Variants in DLG2 observed in about 807,000 individuals in gnomAD.
The protein encoded by DLG2 is disks large homolog 2.
Under a neutral mutation model 132.5 loss-of-function variants are expected in DLG2, and 45 were observed. That is an observed-to-expected ratio of 0.34 (90% CI 0.27 to 0.44). The LOEUF (loss-of-function observed/expected upper bound fraction) is 0.44. Among genes scored for constraint, DLG2 ranks in the 20% least tolerant of loss-of-function variants. The probability of loss-of-function intolerance (pLI) is 1.00; values close to 1 mark genes in which losing one functional copy is unlikely to be tolerated. For synonymous variants in DLG2, 424 were observed against 419.6 expected (o/e 1.01, Z -0.13); for missense variants, 1,045 against 1,196.9 (o/e 0.87, Z 1.87).
chr11:84,198,211 G>A (rs1204585099), intron 8 of DLG2, among the ~76,000 whole-genome samples: 2 of 152,086 alleles, frequency 1.3e-5, no homozygotes, highest in Non-Finnish European at 2.9e-5. Context: ...AGGTCACAAA[G>A]CTATTAATAC....
intron 8 of DLG2, among the ~76,000 whole-genome samples, chr11:84,196,400 GA>G (rs1333520162): frequency 6.6e-6 from 1 of 152,210 alleles, no homozygotes; most frequent in African/African-American, 2.4e-5. Flanking sequence ...AACTGTGTGA[GA>G]AAGTGTTGAG....
intron 6 of DLG2, among the ~76,000 whole-genome samples, chr11:85,079,838 G>A (rs1368455540): frequency 6.6e-6 from 1 of 152,010 alleles, no homozygotes; most frequent in African/African-American, 2.4e-5. Context: ...CACCATGTTA[G>A]CCAGGATAGT....
chr11:85,102,826 G>A (rs2071090883), intron 6 of DLG2, among the ~76,000 whole-genome samples: 1 of 151,906 alleles, frequency 6.6e-6, no homozygotes, highest in South Asian at 2.1e-4. Context: ...AAAGGAAGAA[G>A]TAAAACTTTC....
intron 3 of DLG2, among the ~76,000 whole-genome samples, chr11:85,482,806 A>C (rs1161189411): frequency 1.3e-5 from 2 of 152,090 alleles, no homozygotes; most frequent in Non-Finnish European, 1.5e-5. Flanking sequence ...CAGAGTCCAG[A>C]CCTGTTCCAG....
In DLG2 at chr11:84,789,616, C is replaced by T. The variant is rs117464698; in HGVS notation, c.358-254885G>A. Among the ~76,000 whole-genome samples the T allele has an allele frequency of 7.9e-3, 1,199 of 152,182 alleles. 15 individuals carry two copies. Among genetic ancestry groups the T allele is most frequent in the South Asian group, 0.02 (95 of 4,830 alleles). ...TGTGCAATTAAATTATTATTGACTA[C>T]AGTCACCTTGCTGTGCTATCAAATA... On this transcript the variant is annotated intron_variant, in intron 6 of 27. Coordinates refer to ENST00000376104, the MANE Select transcript of DLG2 (RefSeq NM_001142699.3).
intron 2 of DLG2, among the ~76,000 whole-genome samples, chr11:85,617,301 A>G (rs1001379381): frequency 6.6e-6 from 1 of 152,238 alleles, no homozygotes; most frequent in African/African-American, 2.4e-5. Flanking sequence ...AAAATAAATA[A>G]TGATCTGAAA....
chr11:85,182,153 G>T (rs543699906), intron 4 of DLG2, among the ~76,000 whole-genome samples: 5 of 151,944 alleles, frequency 3.3e-5, no homozygotes, highest in African/African-American at 1.2e-4. Flanking sequence ...TTTATTCCAA[G>T]TACTCTGCCT....
intron 19 of DLG2, among the ~76,000 whole-genome samples, chr11:83,624,998 T>C (rs890398476): frequency 2.0e-5 from 3 of 152,208 alleles, no homozygotes; most frequent in African/African-American, 7.2e-5. Flanking sequence ...AATTCTGAAT[T>C]CAAGAAGTTT....
chr11:84,810,941 AAGGGGG>A (rs1352518365), intron 6 of DLG2, among the ~76,000 whole-genome samples: 1 of 152,124 alleles, frequency 6.6e-6, no homozygotes, highest in Admixed American at 6.6e-5. Context: ...AAAAGTAGAG[AAGGGGG>A]TGTGGCAATG....
At chr11:84,105,000 G>A (rs1241230242) in intron 9 of DLG2, among the ~76,000 whole-genome samples, 1 of 152,006 alleles carries the variant, frequency 6.6e-6, no homozygotes, top group Admixed American at 6.6e-5. Flanking sequence ...ACTTAAAGAC[G>A]TGAAGCAAGT....
chr11:83,662,615 T>A (rs1025223751), intron 18 of DLG2, among the ~76,000 whole-genome samples: 5 of 152,222 alleles, frequency 3.3e-5, no homozygotes, highest in African/African-American at 1.2e-4. Context: ...CTTCTATTTA[T>A]CCCTGTACTC....
intron 6 of DLG2, among the ~76,000 whole-genome samples, chr11:84,972,495 T>C (rs1329349892): frequency 2.6e-5 from 4 of 152,204 alleles, no homozygotes; most frequent in Non-Finnish European, 4.4e-5. Context: ...TGGTAATTTA[T>C]ATTAATTCAC....
chr11:84,412,575 G>T (rs2098912379), intron 7 of DLG2, among the ~76,000 whole-genome samples: 1 of 152,178 alleles, frequency 6.6e-6, no homozygotes, highest in Non-Finnish European at 1.5e-5. Flanking sequence ...GACAGAGTTA[G>T]GGTACAAAAA....
intron 7 of DLG2, among the ~76,000 whole-genome samples, chr11:84,401,723 A>C (rs1567536407): frequency 6.6e-6 from 1 of 152,106 alleles, no homozygotes. Flanking sequence ...AAGAGAACTG[A>C]GTCATCTTTT....
At chr11:83,575,958 C>T (rs953096378) in intron 19 of DLG2, among the ~76,000 whole-genome samples, 4 of 151,956 alleles carry the variant, frequency 2.6e-5, no homozygotes, top group Non-Finnish European at 2.9e-5. Flanking sequence ...AAAACGAACC[C>T]ATAACTGACA....
chr11:83,851,488 G>GT (rs1324061486), intron 16 of DLG2, among the ~76,000 whole-genome samples: 2 of 151,858 alleles, frequency 1.3e-5, no homozygotes, highest in African/African-American at 4.8e-5. Context: ...TTAGCTGGGT[G>GT]TGGTGGCAGG....
intron 12 of DLG2, among the ~76,000 whole-genome samples, chr11:83,972,808 T>C (rs573085066): frequency 6.6e-6 from 1 of 152,152 alleles, no homozygotes; most frequent in Non-Finnish European, 1.5e-5. Flanking sequence ...ATTTATTGGA[T>C]ACCCACTCTG....
chr11:85,503,330 T>A (rs1273835207), intron 3 of DLG2, among the ~76,000 whole-genome samples: 5 of 152,096 alleles, frequency 3.3e-5, no homozygotes, highest in Middle Eastern at 3.2e-3. Context: ...CAATATATAT[T>A]TAGTATCCAG....
At chr11:83,636,603 A>G (rs148665059) in intron 18 of DLG2, among the ~76,000 whole-genome samples, 34 of 152,246 alleles carry the variant, frequency 2.2e-4, no homozygotes, top group Middle Eastern at 3.4e-3. Context: ...CTCCATCTCA[A>G]TCATGTCATA....
Sources: allele counts gnomAD v4.1 joint callset (sites outside exome capture counted in the v4.1 genomes callset), GRCh38; gene constraint gnomAD v4.1.1; transcripts MANE v1.5; gene names NCBI Gene and HGNC (gene_info 2026-07-23, HGNC 2026-07-21).